GBE1: variants seen among roughly 807,000 people sequenced by gnomAD.
GBE1 encodes 1,4-alpha-glucan-branching enzyme.
A neutral mutation model predicts 88.8 loss-of-function variants in GBE1; 70 were observed. That is an observed-to-expected ratio of 0.79 (90% confidence interval 0.65 to 0.96). The LOEUF (loss-of-function observed/expected upper bound fraction) is 0.96, where lower values mean the gene tolerates loss of function less well. Among genes scored for constraint, GBE1 ranks in the 40% least tolerant of loss-of-function variants. The pLI, the probability that GBE1 is intolerant of heterozygous loss-of-function variation, is 0.00. For synonymous variants in GBE1, 284 were observed against 300.1 expected, an observed-to-expected ratio of 0.95 and a Z score of 0.56; for missense variants, 872 against 871.0, an observed-to-expected ratio of 1.00 and a Z score of -0.01.
chr3:81,648,246 T>C (rs1217207924), intron 5 of GBE1, among the ~76,000 whole-genome samples: 10 of 152,120 alleles, frequency 6.6e-5, no homozygotes, highest in Non-Finnish European at 1.5e-4. Flanking sequence ...TGTATTATTT[T>C]AAATATCATT....
intron 12 of GBE1, among the ~76,000 whole-genome samples, chr3:81,557,808 C>T (rs1265375802): frequency 1.3e-5 from 2 of 151,862 alleles, no homozygotes; most frequent in South Asian, 2.1e-4. Flanking sequence ...TGTATTAATA[C>T]ATTATAGAAG....
intron 1 of GBE1, among the ~76,000 whole-genome samples, chr3:81,758,247 C>T (rs987909928): frequency 1.3e-5 from 2 of 152,188 alleles, no homozygotes. Context: ...CATTAAATAC[C>T]GGATCTGAAA....
intron 1 of GBE1, among the ~76,000 whole-genome samples, chr3:81,737,365 ATTTATATATATT>A (rs1174788659): frequency 8.6e-5 from 3 of 35,060 alleles, no homozygotes; most frequent in Non-Finnish European, 1.8e-4. Context: ...ATATTTATAT[ATTTATATATATT>A]TTTATATATA....
chr3:81,690,349 C>G (rs1002638857), intron 2 of GBE1, among the ~76,000 whole-genome samples: 6 of 152,180 alleles, frequency 3.9e-5, no homozygotes, highest in Non-Finnish European at 7.3e-5. Context: ...TAAACTATAT[C>G]TCAGTTGTAA....
Position 81,499,131 on chromosome 3 carries a change from A to G in GBE1, c.2031T>C (p.Asn677=). The G allele has an allele frequency of 6.2e-7, 1 of 1,601,898 alleles. No homozygotes were observed. The highest frequency in any genetic ancestry group is 1.1e-5 in the South Asian group (1 of 90,108). ...TTACCAAAAGAGAATAGGGACGCCC[A>G]TTATGTTCAAAAGCCTCAGAAAAAA... ...TDFFSEAFEH[N]GRPYSLLVYI... The change falls in exon 15 of 16, where the codon AAT becomes AAC. Residue 677 remains asparagine (N), a synonymous_variant. Transcript: ENST00000429644.
chr3:81,597,945 T>A (rs531053047), intron 7 of GBE1, among the ~76,000 whole-genome samples: 2 of 152,002 alleles, frequency 1.3e-5, no homozygotes, highest in East Asian at 1.9e-4. Context: ...TTAGGAAATA[T>A]CCCTAAAATC....
At position 81,719,627 on chromosome 3, in the gene GBE1, T is replaced by G. The variant is rs1414208319; in HGVS notation, c.144-14014A>C. On this transcript the variant is annotated intron_variant, in intron 1 of 15. Coordinates refer to ENST00000429644, the MANE Select transcript of GBE1 (RefSeq NM_000158.4). ...GTCACAATAAACTTGAATTAATTGA[T>G]CTGAAGCAAGATCTGGAAACAAATA... Among the ~76,000 whole-genome samples, 3 of 152,214 alleles carry G rather than the reference T, an allele frequency of 2.0e-5. No individual in the cohort carries two copies. In the East Asian group the frequency reaches 5.8e-4, roughly 29 times the overall value.
At position 81,594,043 on chromosome 3, in the gene GBE1, T is replaced by G; in HGVS notation, c.993-20A>C. The G allele has an allele frequency of 8.3e-7, 1 of 1,198,084 alleles. No homozygotes were observed. Among genetic ancestry groups the G allele is most frequent in the Non-Finnish European group, 1.2e-6 (1 of 829,092 alleles). The allele number at this position is 1,198,084 out of a possible 1,614,324, so 74.2% of individuals were successfully genotyped here. A position where few individuals can be genotyped will look rare whatever the true frequency, so the allele number is the denominator to read the frequency against. On this transcript the variant is annotated intron_variant, in intron 7 of 15. Transcript: ENST00000429644. Reference sequence around the variant, plus strand: ...TCCCAGCTAAAATATAAGAGAAATATGTATTTAAGCAAAATGTGAAGAGCA... The same window carrying G: ...TCCCAGCTAAAATATAAGAGAAATAGGTATTTAAGCAAAATGTGAAGAGCA...
In GBE1 at chr3:81,513,307, T is replaced by C. The variant is rs538374474; in HGVS notation, c.1935-14080A>G. On this transcript the variant is annotated intron_variant, in intron 14 of 15. Transcript: ENST00000429644. ...GAAATAAGAAAGAAAGGTGGGCAAA[T>C]AGTACAAGAGTGAGGAAGAGATTTA... is the stretch of plus-strand genomic sequence containing the variant. Among the ~76,000 whole-genome samples the C allele has an allele frequency of 3.3e-5, 5 of 151,534 alleles. No homozygotes were observed. In the East Asian group the frequency reaches 9.7e-4, roughly 29 times the overall value.
At chr3:81,738,839 T>C (rs1000828291) in intron 1 of GBE1, among the ~76,000 whole-genome samples, 2 of 152,208 alleles carry the variant, frequency 1.3e-5, no homozygotes, top group Non-Finnish European at 2.9e-5. Context: ...TTAGGAAAGT[T>C]AAATTACCCA....
At chr3:81,568,483 T>C (rs974829809) in intron 12 of GBE1, among the ~76,000 whole-genome samples, 22 of 152,182 alleles carry the variant, frequency 1.4e-4, no homozygotes, top group Admixed American at 6.5e-5. Context: ...TTTATTTGTT[T>C]TGTTTTGTTT....
At chr3:81,737,105 A>G (rs1706266756) in intron 1 of GBE1, among the ~76,000 whole-genome samples, 1 of 151,552 alleles carries the variant, frequency 6.6e-6, no homozygotes, top group Non-Finnish European at 1.5e-5. Context: ...GAGGAGGAGA[A>G]AGAGATAATA....
intron 1 of GBE1, among the ~76,000 whole-genome samples, chr3:81,709,638 T>A (rs1007049438): frequency 6.6e-6 from 1 of 152,210 alleles, no homozygotes; most frequent in African/African-American, 2.4e-5. Context: ...AAAATAATCA[T>A]TTTTAGGAAG....
intron 2 of GBE1, among the ~76,000 whole-genome samples, chr3:81,677,387 C>T (rs1042119372): frequency 2.6e-5 from 4 of 152,156 alleles, no homozygotes; most frequent in East Asian, 1.9e-4. Flanking sequence ...AGGATATCCT[C>T]GGGTCAAAAC....
At chr3:81,630,374 C>G (rs1704489732) in intron 7 of GBE1, among the ~76,000 whole-genome samples, 1 of 152,072 alleles carries the variant, frequency 6.6e-6, no homozygotes, top group Admixed American at 6.6e-5. Context: ...CATCAAGCTA[C>G]CAATGTCTTT....
At chr3:81,649,522 A>AC (rs398106096) in intron 4 of GBE1, among the ~76,000 whole-genome samples, 14 of 151,796 alleles carry the variant, frequency 9.2e-5, no homozygotes, top group Admixed American at 7.9e-4. Flanking sequence ...TAAAAAAAAA[A>AC]CCAGTATCCC....
intron 1 of GBE1, among the ~76,000 whole-genome samples, chr3:81,736,129 G>T (rs1441225753): frequency 6.6e-6 from 1 of 152,134 alleles, no homozygotes; most frequent in Non-Finnish European, 1.5e-5. Flanking sequence ...CCAGCTGAGA[G>T]ATACCATACA....
chr3:81,540,841 C>T (rs1490329518), intron 12 of GBE1, among the ~76,000 whole-genome samples: 1 of 152,020 alleles, frequency 6.6e-6, no homozygotes, highest in African/African-American at 2.4e-5. Context: ...GAAAGCCTCA[C>T]TATTCTACAT....
At chr3:81,666,041 T>C (rs539656047) in intron 3 of GBE1, among the ~76,000 whole-genome samples, 1 of 152,322 alleles carries the variant, frequency 6.6e-6, no homozygotes, top group South Asian at 2.1e-4. Context: ...GACATCACTC[T>C]TATTAGTAAT....
Sources: allele counts gnomAD v4.1 joint callset (sites outside exome capture counted in the v4.1 genomes callset), GRCh38; gene constraint gnomAD v4.1.1; transcripts MANE v1.5; gene names NCBI Gene and HGNC (gene_info 2026-07-23, HGNC 2026-07-21).